Variants in PACRG observed in about 807,000 individuals in gnomAD.
PACRG encodes the protein parkin coregulated, also known as parkin coregulated gene protein.
PACRG carries 29 observed loss-of-function variants against 29.7 expected under a neutral mutation model. The observed-to-expected ratio is 0.98, with a 90% CI of 0.73 to 1.33. PACRG has a LOEUF of 1.33. Ranked by LOEUF, PACRG falls within the 40% of genes most tolerant of loss-of-function variation. The probability of loss-of-function intolerance (pLI) is 0.00; values close to 1 mark genes in which losing one functional copy is unlikely to be tolerated. For synonymous variants in PACRG, 116 were observed against 118.7 expected, an observed-to-expected ratio of 0.98 and a Z score of 0.15; for missense variants, 279 against 316.2, an observed-to-expected ratio of 0.88 and a Z score of 0.89.
intron 2 of PACRG, among the ~76,000 whole-genome samples, chr6:162,956,265 A>C (rs996245045): frequency 6.6e-6 from 1 of 152,222 alleles, no homozygotes; most frequent in African/African-American, 2.4e-5. Context: ...ATCCTGATGC[A>C]TCAAGAGCCC....
intron 4 of PACRG, among the ~76,000 whole-genome samples, chr6:163,139,310 T>G (rs1447088953): frequency 3.9e-5 from 6 of 152,112 alleles, no homozygotes; most frequent in Non-Finnish European, 7.4e-5. Context: ...TGATTGAATG[T>G]AAGGCCCATC....
At chr6:163,285,378 T>A (rs927775453) in intron 4 of PACRG, among the ~76,000 whole-genome samples, 1 of 152,014 alleles carries the variant, frequency 6.6e-6, no homozygotes, top group South Asian at 2.1e-4. Flanking sequence ...CCAGCCCCAG[T>A]CCAGGCTAGA....
Position 162,787,582 on chromosome 6 carries a change from G to GTGTGTGTATA in PACRG, c.157-26564_157-26563insGTGTGTATAT, listed in dbSNP as rs1198197561. On this transcript the variant is annotated intron_variant, in intron 1 of 4. Transcript: ENST00000366888. ...ATTGTGTGTGTGTGTGTGTGTGTGT[G>GTGTGTGTATA]TATATATATATATATATATATATAT... 2.4e-3 allele frequency among the ~76,000 whole-genome samples: 147 copies of GTGTGTGTATA among 62,388 alleles called. 1 individual carries two copies. The highest frequency in any genetic ancestry group is 3.2e-3 in the Non-Finnish European group (105 of 33,314). 40.9% of individuals were successfully genotyped at this position (62,388 alleles called of 152,430 possible).
intron 2 of PACRG, among the ~76,000 whole-genome samples, chr6:163,002,482 T>C (rs1209727806): frequency 6.6e-6 from 1 of 152,140 alleles, no homozygotes; most frequent in African/African-American, 2.4e-5. Flanking sequence ...AACTATCTTT[T>C]TCAGGTTAAA....
At chr6:163,091,928 A>T (rs1814142972) in intron 4 of PACRG, among the ~76,000 whole-genome samples, 1 of 152,224 alleles carries the variant, frequency 6.6e-6, no homozygotes, top group Non-Finnish European at 1.5e-5. Context: ...AATTGACAGT[A>T]TGTAGCAGTA....
intron 1 of PACRG, among the ~76,000 whole-genome samples, chr6:162,740,947 G>A (rs1780545592): frequency 6.6e-6 from 1 of 151,998 alleles, no homozygotes; most frequent in Admixed American, 6.6e-5. Flanking sequence ...TTTCTTAATT[G>A]GAAGTAGTAT....
chr6:163,251,883 T>C (rs1782917460), intron 4 of PACRG, among the ~76,000 whole-genome samples: 1 of 152,188 alleles, frequency 6.6e-6, no homozygotes, highest in Admixed American at 6.5e-5. Context: ...TGAGCGACCT[T>C]GGGTAAATTG....
intron 2 of PACRG, among the ~76,000 whole-genome samples, chr6:162,866,943 G>A (rs908726629): frequency 6.6e-6 from 1 of 152,166 alleles, no homozygotes; most frequent in African/African-American, 2.4e-5. Context: ...ACTTCAAGAG[G>A]TGTTTCCTCT....
chr6:162,981,991 C>T (rs1024929515), intron 2 of PACRG, among the ~76,000 whole-genome samples: 17 of 149,466 alleles, frequency 1.1e-4, no homozygotes, highest in Admixed American at 6.0e-4. Context: ...GGTCTGTTCA[C>T]GGTTTCTATT....
intron 4 of PACRG, among the ~76,000 whole-genome samples, chr6:163,280,484 T>G (rs1329448416): frequency 6.6e-6 from 1 of 152,172 alleles, no homozygotes; most frequent in Non-Finnish European, 1.5e-5. Context: ...GAACACTCAT[T>G]TCAAGGTCTT....
intron 2 of PACRG, among the ~76,000 whole-genome samples, chr6:162,920,712 C>T (rs540512761): frequency 1.8e-4 from 27 of 152,174 alleles, no homozygotes; most frequent in African/African-American, 5.8e-4. Flanking sequence ...AGCTACATAC[C>T]AGGTCACTAT....
intron 2 of PACRG, among the ~76,000 whole-genome samples, chr6:162,925,772 C>T (rs549630135): frequency 6.6e-6 from 1 of 152,234 alleles, no homozygotes; most frequent in Non-Finnish European, 1.5e-5. Context: ...CTTCTCTCAC[C>T]ACTCCTATTC....
At chr6:162,806,100 A>T (rs994198610) in intron 1 of PACRG, among the ~76,000 whole-genome samples, 2 of 150,786 alleles carry the variant, frequency 1.3e-5, no homozygotes, top group South Asian at 4.2e-4. Flanking sequence ...ACAAAAATGT[A>T]TTTCTTTCTT....
chr6:163,264,063 A>G (rs1276896166), intron 4 of PACRG, among the ~76,000 whole-genome samples: 2 of 152,212 alleles, frequency 1.3e-5, no homozygotes, highest in Admixed American at 6.5e-5. Flanking sequence ...TTGAGAGTCA[A>G]GAGAAGGAAA....
intron 2 of PACRG, among the ~76,000 whole-genome samples, chr6:162,968,016 G>C (rs372919451): frequency 3.3e-5 from 5 of 152,160 alleles, no homozygotes; most frequent in African/African-American, 1.2e-4. Flanking sequence ...GAATATTTTT[G>C]TTCAGCTAAC....
intron 3 of PACRG, among the ~76,000 whole-genome samples, chr6:163,062,743 C>T (rs564382317): frequency 5.9e-5 from 9 of 152,166 alleles, no homozygotes; most frequent in African/African-American, 2.2e-4. Context: ...GGAAGCCCAG[C>T]TGCATAGGTG....
chr6:163,190,062 T>C (rs1780136142), intron 4 of PACRG: 1 of 152,208 alleles, frequency 6.6e-6, no homozygotes, highest in Admixed American at 6.5e-5. Flanking sequence ...ATGCGGGTCT[T>C]AATAATACAA....
At chr6:163,105,306 A>T (rs1371157950) in intron 4 of PACRG, among the ~76,000 whole-genome samples, 1 of 152,152 alleles carries the variant, frequency 6.6e-6, no homozygotes, top group Non-Finnish European at 1.5e-5. Context: ...CATTATAAAA[A>T]CCTGCGAGAC....
At chr6:163,220,673 T>C (rs748530867) in intron 4 of PACRG, among the ~76,000 whole-genome samples, 4 of 152,234 alleles carry the variant, frequency 2.6e-5, no homozygotes, top group Non-Finnish European at 4.4e-5. Flanking sequence ...TATTTGCATA[T>C]CTTTCCTTTA....
Sources: allele counts gnomAD v4.1 joint callset (sites outside exome capture counted in the v4.1 genomes callset), GRCh38; gene constraint gnomAD v4.1.1; transcripts MANE v1.5; gene names NCBI Gene and HGNC (gene_info 2026-07-23, HGNC 2026-07-21).